The following CHSY3 variants were observed in gnomAD, a reference collection of about 807,000 sequenced individuals.
CHSY3 encodes the protein N-acetylgalactosaminyl-proteoglycan 3-beta-glucuronosyltransferase 3.
A neutral mutation model predicts 67.2 loss-of-function variants in CHSY3; 35 were observed. That is an observed-to-expected ratio of 0.52 (90% CI 0.40 to 0.69). The LOEUF is 0.69. Among genes scored for constraint, CHSY3 ranks in the 30% least tolerant of loss-of-function variants. The pLI is 0.00. For synonymous variants in CHSY3, 474 were observed against 434.7 expected (o/e 1.09, Z -1.12); for missense variants, 1,069 against 1,138.5 (o/e 0.94, Z 0.88).
chr5:129,937,777 T>C (rs1761551425), intron 2 of CHSY3, among the ~76,000 whole-genome samples: 1 of 152,152 alleles, frequency 6.6e-6, no homozygotes, highest in East Asian at 1.9e-4. Flanking sequence ...AGGGCAGTTA[T>C]TAAATCTCAA....
At chr5:130,062,887 T>C (rs112622217) in intron 2 of CHSY3, among the ~76,000 whole-genome samples, 5 of 152,208 alleles carry the variant, frequency 3.3e-5, no homozygotes, top group Non-Finnish European at 5.9e-5. Flanking sequence ...CAAAAAAATA[T>C]AGATTTTTTT....
chr5:130,140,515 G>A, intron 2 of CHSY3: 1 of 820,836 alleles, frequency 1.2e-6, no homozygotes, highest in Non-Finnish European at 1.9e-6. Flanking sequence ...TGGAACAATT[G>A]TTAGTCTCAA....
chr5:129,951,904 A>T (rs185568866), intron 2 of CHSY3, among the ~76,000 whole-genome samples: 167 of 152,328 alleles, frequency 1.1e-3, no homozygotes, highest in African/African-American at 3.9e-3. Context: ...TCAGCTTTAC[A>T]TTACTAGCAC....
chr5:129,920,901 C>G (rs1394882942), intron 2 of CHSY3, among the ~76,000 whole-genome samples: 1 of 152,080 alleles, frequency 6.6e-6, no homozygotes, highest in East Asian at 1.9e-4. Flanking sequence ...CCTCTGCAGC[C>G]TCGACTTCCT....
At position 130,076,201 on chromosome 5, in the gene CHSY3, TCTAA is replaced by T. The variant is rs555273174; in HGVS notation, c.1087-108023_1087-108020del. On this transcript the variant is annotated intron_variant, in intron 2 of 2. Transcript: ENST00000305031. ...AATTATTTTTTGAGAGCTATAAGCA[TCTAA>T]CTAAGATGCAGCCTTGTCCATGAAC... Among the ~76,000 whole-genome samples the T allele has an allele frequency of 1.2e-3, 188 of 152,254 alleles. 1 individual carries two copies. Among genetic ancestry groups the T allele is most frequent in the Non-Finnish European group, 2.0e-3 (134 of 68,018 alleles).
chr5:130,185,202 C>A lies in CHSY3; in HGVS notation c.2060C>A (p.Thr687Asn). ...YQNKYPKAEM[T>N]LIPMKGEFSR... ...AACAAGTACCCCAAAGCAGAAATGA[C>A]CCTGATCCCAATGAAGGGAGAGTTT... Residue 687 changes from threonine (T) to asparagine (N), a missense_variant, in exon 3 of 3, where the codon ACC (threonine) becomes AAC (asparagine). Coordinates refer to ENST00000305031, the MANE Select transcript of CHSY3 (RefSeq NM_175856.5). The A allele has an allele frequency of 6.2e-7, 1 of 1,610,430 alleles. No homozygotes were observed. Among genetic ancestry groups the A allele is most frequent in the Non-Finnish European group, 8.5e-7 (1 of 1,176,752 alleles).
chr5:130,075,153 C>T (rs1167934790), intron 2 of CHSY3, among the ~76,000 whole-genome samples: 6 of 152,056 alleles, frequency 3.9e-5, no homozygotes, highest in African/African-American at 1.4e-4. Flanking sequence ...ACCTTAAATG[C>T]GCTTAAAATG....
At chr5:130,056,770 C>T (rs1765542644) in intron 2 of CHSY3, among the ~76,000 whole-genome samples, 1 of 152,028 alleles carries the variant, frequency 6.6e-6, no homozygotes, top group Non-Finnish European at 1.5e-5. Context: ...TGTATTGGGA[C>T]TCAATGTCCT....
chr5:129,908,513 C>A (rs1194209728), intron 2 of CHSY3, among the ~76,000 whole-genome samples, 153 bp downstream of exon 2: 7 of 152,142 alleles, frequency 4.6e-5, no homozygotes, highest in Non-Finnish European at 8.8e-5. Context: ...TGGGAGATAA[C>A]TTTCTCATTA....
At chr5:129,960,482 A>C (rs966526680) in intron 2 of CHSY3, among the ~76,000 whole-genome samples, 3 of 152,070 alleles carry the variant, frequency 2.0e-5, no homozygotes, top group African/African-American at 7.2e-5. Flanking sequence ...TTATCATTTA[A>C]AAAAGACAAC....
At position 129,976,028 on chromosome 5, in the gene CHSY3, AAAATAAATAAAAAT is replaced by A. The variant is rs1254353643; in HGVS notation, c.1086+67686_1086+67699del. On this transcript the variant is annotated intron_variant, in intron 2 of 2. Coordinates refer to ENST00000305031, the MANE Select transcript of CHSY3 (RefSeq NM_175856.5). ...CCACATTCTGTGTTCTTCTGTGTGAAAAATAAATAAAAATAAATAAATAAAAATAAAATAAAACC... is the reference window on the plus strand; with the variant it reads ...CCACATTCTGTGTTCTTCTGTGTGAAAAATAAATAAAAATAAAATAAAACC... Among the ~76,000 whole-genome samples, 4 of 152,144 alleles carry A rather than the reference AAAATAAATAAAAAT, an allele frequency of 2.6e-5. No homozygotes were observed. In the East Asian group the frequency reaches 7.7e-4, roughly 29 times the overall value.
At chr5:130,074,498 G>A (rs150898102) in intron 2 of CHSY3, among the ~76,000 whole-genome samples, 21 of 152,284 alleles carry the variant, frequency 1.4e-4, no homozygotes, top group African/African-American at 4.8e-4. Context: ...ATAACCAAAT[G>A]TGCTCTCTTA....
chr5:130,099,001 A>G (rs1223242184), intron 2 of CHSY3, among the ~76,000 whole-genome samples: 1 of 152,182 alleles, frequency 6.6e-6, no homozygotes. Context: ...GCACCTGGAC[A>G]GATTTAAATT....
intron 2 of CHSY3, among the ~76,000 whole-genome samples, chr5:130,020,807 C>T (rs1002906089): frequency 6.6e-6 from 1 of 152,096 alleles, no homozygotes; most frequent in African/African-American, 2.4e-5. Flanking sequence ...CTTCTCCTGT[C>T]CCCTACTCAG....
chr5:130,166,698 T>C (rs1769757883), intron 2 of CHSY3, among the ~76,000 whole-genome samples: 1 of 152,142 alleles, frequency 6.6e-6, no homozygotes, highest in Non-Finnish European at 1.5e-5. Context: ...AGAAAAATAT[T>C]ATAATAGACA....
At position 129,908,275 on chromosome 5, in the gene CHSY3, G is replaced by C. The variant is rs769259374; in HGVS notation, c.1001G>C (p.Arg334Thr). Reference sequence around the variant, plus strand: ...GTGCCACATATTGGTGAATGCCTTAGAGAAATGTACACGACTCATGAGGAT... The same window carrying C: ...GTGCCACATATTGGTGAATGCCTTACAGAAATGTACACGACTCATGAGGAT... Reference protein sequence around the residue: ...RMVPHIGECLREMYTTHEDVE... With the variant: ...RMVPHIGECLTEMYTTHEDVE... The change falls in exon 2 of 3, where the codon AGA becomes ACA. Residue 334 changes from arginine to threonine, a missense_variant. By Grantham distance (71) the Arg-to-Thr change is moderately conservative. Coordinates refer to ENST00000305031, the MANE Select transcript of CHSY3 (RefSeq NM_175856.5). 6.2e-7 allele frequency: 1 copy of C among 1,614,152 alleles called. No homozygotes were observed. The highest frequency in any genetic ancestry group is 1.1e-5 in the South Asian group (1 of 91,070).
At chr5:130,064,065 C>T (rs1765801821) in intron 2 of CHSY3, among the ~76,000 whole-genome samples, 1 of 151,996 alleles carries the variant, frequency 6.6e-6, no homozygotes, top group African/African-American at 2.4e-5. Flanking sequence ...CCTTCCTATT[C>T]AGACTCTAAT....
At chr5:129,944,507 G>A (rs1270737004) in intron 2 of CHSY3, among the ~76,000 whole-genome samples, 1 of 151,798 alleles carries the variant, frequency 6.6e-6, no homozygotes, top group African/African-American at 2.4e-5. Context: ...GCTAATTTTT[G>A]TATTTTTGGT....
intron 2 of CHSY3, among the ~76,000 whole-genome samples, chr5:130,030,253 A>T (rs1029200151): frequency 2.6e-5 from 4 of 152,114 alleles, no homozygotes; most frequent in South Asian, 2.1e-4. Flanking sequence ...TTTTCTGGTT[A>T]TATGATGTTT....
Sources: gnomAD v4.1 joint callset for allele counts (sites outside exome capture counted in the v4.1 genomes callset) on GRCh38, gnomAD v4.1.1 for gene constraint, MANE v1.5 for transcripts, NCBI Gene and HGNC (gene_info 2026-07-23, HGNC 2026-07-21) for gene names.